Variants in ANKMY2 observed in about 807,000 individuals in gnomAD.
ANKMY2 encodes the protein ankyrin repeat and MYND domain-containing protein 2.
In ANKMY2, 36 loss-of-function variants were observed where a neutral mutation model predicts 50.4. The ratio of observed to expected loss-of-function variants is 0.71; its 90% confidence interval spans 0.55 to 0.94. ANKMY2 has a LOEUF of 0.94. Among genes scored for constraint, ANKMY2 ranks in the 40% least tolerant of loss-of-function variants. The probability of loss-of-function intolerance (pLI) is 0.00; values close to 1 mark genes in which losing one functional copy is unlikely to be tolerated. For synonymous variants in ANKMY2, 187 were observed against 178.8 expected (o/e 1.05, Z -0.36); for missense variants, 565 against 524.0 (o/e 1.08, Z -0.76).
At position 16,645,547 on chromosome 7, in the gene ANKMY2, C is replaced by G; in HGVS notation, c.27G>C (p.Leu9=). Residue 9 remains leucine (L), a synonymous_variant, in exon 1 of 10, where the codon CTG becomes CTC. Transcript: ENST00000306999. MVHIKKGE[L]TQEEKELLEV... Reference sequence around the variant, plus strand: ...CCAGTAGCTCCTTCTCCTCCTGGGTCAGCTCGCCTTTCTTTATGTGAACCA... The same window carrying G: ...CCAGTAGCTCCTTCTCCTCCTGGGTGAGCTCGCCTTTCTTTATGTGAACCA... 1 of 1,612,294 alleles carries G rather than the reference C, an allele frequency of 6.2e-7. No homozygotes were observed. The highest frequency in any genetic ancestry group is 8.5e-7 in the Non-Finnish European group (1 of 1,179,104).
chr7:16,627,104 T>A lies in ANKMY2; in HGVS notation c.207A>T (p.Gly69=), dbSNP rs775505829. Reference sequence around the variant, plus strand: ...CATGCTGATGACAATTTACATCGGCTCCATGTCGCAGTAGTAATTTGCACA... The same window carrying A: ...CATGCTGATGACAATTTACATCGGCACCATGTCGCAGTAGTAATTTGCACA... ...LDMCKLLLRH[G]ADVNCHQHEH... The change falls in exon 3 of 10, where the codon GGA becomes GGT. Residue 69 remains glycine (G), a synonymous_variant. Coordinates refer to ENST00000306999, the MANE Select transcript of ANKMY2 (RefSeq NM_020319.3). 1.9e-6 allele frequency: 3 copies of A among 1,612,638 alleles called. No individual in the cohort carries two copies. The East Asian group carries it at 6.7e-5, about 36-fold the overall frequency.
In ANKMY2 at chr7:16,645,609, G is replaced by C. The variant is rs1472232303; in HGVS notation, c.-36C>G. The C allele has an allele frequency of 2.5e-6, 4 of 1,597,650 alleles. No homozygotes were observed. Among genetic ancestry groups the C allele is most frequent in the Admixed American group, 1.8e-5 (1 of 56,300 alleles). On this transcript the variant is annotated 5_prime_UTR_variant, in exon 1 of 10. Transcript: ENST00000306999. Reference sequence around the variant, plus strand: ...AGCTTGAAGGTTATTCCCTTTCTTAGGGAGTATTAAAAAAGAAACGATGCG... The same window carrying C: ...AGCTTGAAGGTTATTCCCTTTCTTACGGAGTATTAAAAAAGAAACGATGCG...
intron 2 of ANKMY2, among the ~76,000 whole-genome samples, chr7:16,636,171 TG>T: frequency 6.6e-6 from 1 of 151,358 alleles, no homozygotes; most frequent in East Asian, 1.9e-4. Flanking sequence ...GGAGTGGTGG[TG>T]GGTGACTGTA....
At chr7:16,603,606 C>G (rs1033722115) in intron 8 of ANKMY2, 1 of 471,186 alleles carries the variant, frequency 2.1e-6, no homozygotes, top group Non-Finnish European at 4.4e-6. Context: ...GGCCCCAATT[C>G]TTCATTCATC....
chr7:16,601,468 A>C (rs1173682876), intron 9 of ANKMY2, among the ~76,000 whole-genome samples: 2 of 152,236 alleles, frequency 1.3e-5, no homozygotes, highest in Admixed American at 6.5e-5. Flanking sequence ...GTTAGTAATG[A>C]ACATTTGTTA....
intron 6 of ANKMY2, among the ~76,000 whole-genome samples, 166 bp downstream of exon 6, chr7:16,610,383 C>A (rs148228428): frequency 2.0e-5 from 3 of 152,208 alleles, no homozygotes; most frequent in African/African-American, 7.2e-5. Flanking sequence ...AATAATCACT[C>A]AATATAAGTA....
intron 4 of ANKMY2, 30 bp from the exon 5 acceptor site, chr7:16,615,934 T>C (rs1781339076): frequency 1.3e-6 from 2 of 1,570,572 alleles, no homozygotes; most frequent in East Asian, 2.3e-5. Flanking sequence ...AAAGTTGTAG[T>C]TTTAGTATTA....
At position 16,609,772 on chromosome 7, in the gene ANKMY2, G is replaced by T. The variant is rs767327718; in HGVS notation, c.747-7C>A. ...AGCTCGGCCTTTTAACAAGCTGAAA[G>T]ATATTTTTTAAAGCGTAATTGGAGT... On this transcript the variant is annotated splice_region_variant and splice_polypyrimidine_tract_variant and intron_variant, in intron 6 of 9. Coordinates refer to ENST00000306999, the MANE Select transcript of ANKMY2 (RefSeq NM_020319.3). 1.9e-6 allele frequency: 3 copies of T among 1,607,526 alleles called. No homozygotes were observed. The highest frequency in any genetic ancestry group is 1.1e-5 in the South Asian group (1 of 89,946).
chr7:16,621,033 T>C (rs1333866029), intron 4 of ANKMY2, among the ~76,000 whole-genome samples: 1 of 152,224 alleles, frequency 6.6e-6, no homozygotes, highest in Admixed American at 6.5e-5. Context: ...ATCACTATTA[T>C]TTCTTCTTAC....
intron 4 of ANKMY2, among the ~76,000 whole-genome samples, chr7:16,617,092 G>A (rs1011718964): frequency 6.6e-6 from 1 of 151,638 alleles, no homozygotes; most frequent in East Asian, 1.9e-4. Context: ...TTTTTTTATG[G>A]GAACACCTAT....
At chr7:16,634,866 T>C (rs1388103169) in intron 2 of ANKMY2, among the ~76,000 whole-genome samples, 1 of 152,102 alleles carries the variant, frequency 6.6e-6, no homozygotes, top group Non-Finnish European at 1.5e-5. Context: ...AACTTAACTG[T>C]GTTCATGAAA....
intron 4 of ANKMY2, among the ~76,000 whole-genome samples, chr7:16,616,354 C>G (rs1360259460): frequency 6.6e-6 from 1 of 151,808 alleles, no homozygotes; most frequent in Non-Finnish European, 1.5e-5. Context: ...TAAACTAAAC[C>G]CCCTCCCCCT....
chr7:16,600,084 A>G lies in ANKMY2; in HGVS notation c.*677T>C, dbSNP rs1007765885. On this transcript the variant is annotated 3_prime_UTR_variant, in exon 10 of 10. Coordinates refer to ENST00000306999, the MANE Select transcript of ANKMY2 (RefSeq NM_020319.3). ...TTTCAGGAAGTACCTTTTTTAATGCATACGCTGAGAGAACCGTCAATATGC... is the reference window on the plus strand; with the variant it reads ...TTTCAGGAAGTACCTTTTTTAATGCGTACGCTGAGAGAACCGTCAATATGC... The G allele has an allele frequency of 6.6e-6, 1 of 152,192 alleles. No homozygotes were observed. The highest frequency in any genetic ancestry group is 1.5e-5 in the Non-Finnish European group (1 of 68,044). The allele number at this position is 152,192 out of a possible 1,614,324, so 9.4% of individuals were successfully genotyped here.
rs190586950 is a variant in ANKMY2, at chr7:16,613,825, A to G, written c.531+1919T>C. ...GTGGTGGGCACCTGTAATCCCAGCT[A>G]CTCAGGAGGCTGAGGCAGGAGAATC... On this transcript the variant is annotated intron_variant, in intron 5 of 9. Coordinates refer to ENST00000306999, the MANE Select transcript of ANKMY2 (RefSeq NM_020319.3). Among the ~76,000 whole-genome samples, 666 of 151,284 alleles carry G rather than the reference A, an allele frequency of 4.4e-3. 6 individuals carry two copies. Among genetic ancestry groups the G allele is most frequent in the African/African-American group, 0.016 (647 of 41,210 alleles).
At position 16,645,754 on chromosome 7, in the gene ANKMY2, C is replaced by A. The variant is rs564044795; in HGVS notation, c.-181G>T. On this transcript the variant is annotated 5_prime_UTR_variant, in exon 1 of 10. Transcript: ENST00000306999. ...CGGGCTGGCGGACAGCGGGCGAGCT[C>A]GGGCGAGCCAGGCGGACGGTCTCCG... is the stretch of plus-strand genomic sequence containing the variant. The A allele has an allele frequency of 3.2e-6, 2 of 628,670 alleles. No individual in the cohort carries two copies. The highest frequency in any genetic ancestry group is 5.0e-6 in the Non-Finnish European group (2 of 403,490). The allele number at this position is 628,670 out of a possible 1,614,324, so 38.9% of individuals were successfully genotyped here.
rs1224539383 is a variant in ANKMY2 at position 16,615,839 on chromosome 7, T to C, written c.436A>G (p.Lys146Glu). 1 of 1,614,186 alleles carries C rather than the reference T, an allele frequency of 6.2e-7. No individual in the cohort carries two copies. The highest frequency in any genetic ancestry group is 8.5e-7 in the Non-Finnish European group (1 of 1,180,030). ...GGCTCTTTATCCAGTCCCTGGGGCT[T>C]AGTGTAATAATCCAGTCTCTCTCGA... The part of the protein sequence containing the change: ...FPRERLDYYT[K>E]PQGLDKEPKL... The change falls in exon 5 of 10, where the codon AAG becomes GAG. Residue 146 changes from lysine (K) to glutamate (E), a missense_variant. By Grantham distance (56) the Lys-to-Glu change is moderately conservative (BLOSUM62 1). Transcript: ENST00000306999.
Position 16,609,704 on chromosome 7 carries a change from T to C in ANKMY2, c.808A>G (p.Ser270Gly), listed in dbSNP as rs1201748776. 67 of 1,612,798 alleles carry C rather than the reference T, an allele frequency of 4.2e-5. No homozygotes were observed. The highest frequency in any genetic ancestry group is 5.6e-5 in the Non-Finnish European group (66 of 1,179,700). ...TCACAGTAAGGAAATTTTCTGATAC[T>C]TTCTCTAATGATCTTTTCTTGATAC... ...PVYQEKIIRE[S>G]IRKFPYCEAT... Residue 270 changes from serine (S) to glycine (G), a missense_variant, in exon 7 of 10, where the codon AGT becomes GGT. Transcript: ENST00000306999.
intron 7 of ANKMY2, among the ~76,000 whole-genome samples, chr7:16,606,685 A>G (rs1180484883): frequency 2.0e-5 from 3 of 152,206 alleles, no homozygotes; most frequent in Non-Finnish European, 4.4e-5. Flanking sequence ...ACTGTACATA[A>G]TAGAGGTTTA....
At chr7:16,645,356 A>G in intron 1 of ANKMY2, 151 bp downstream of exon 1, 1 of 749,456 alleles carries the variant, frequency 1.3e-6, no homozygotes, top group Non-Finnish European at 2.0e-6. Context: ...AACCTTTCCC[A>G]GACCAAAGGG....
Sources: allele counts gnomAD v4.1 joint callset (sites outside exome capture counted in the v4.1 genomes callset), GRCh38; gene constraint gnomAD v4.1.1; transcripts MANE v1.5; gene names NCBI Gene and HGNC (gene_info 2026-07-23, HGNC 2026-07-21).